PAN3: variants seen among roughly 807,000 people sequenced by gnomAD.
PAN3 encodes the protein PAN2-PAN3 deadenylation complex subunit PAN3.
Under a neutral mutation model 96.2 loss-of-function variants are expected in PAN3, and 19 were observed. The ratio of observed to expected loss-of-function variants is 0.20; its 90% CI spans 0.14 to 0.29. PAN3 has a LOEUF of 0.29. Ranked by LOEUF, PAN3 falls within the 10% of genes least tolerant of loss-of-function variation. PAN3 has a pLI of 1.00. For synonymous variants in PAN3, 433 were observed against 406.6 expected (o/e 1.06, Z -0.78); for missense variants, 882 against 1,108.1 (o/e 0.80, Z 2.90).
chr13:28,214,977 A>G (rs1165515435), intron 5 of PAN3: 9 of 1,369,040 alleles, frequency 6.6e-6, no homozygotes, highest in Non-Finnish European at 9.2e-6. Context: ...TGTTAACAAA[A>G]TGGATTCCAC....
chr13:28,195,167 T>C (rs891694669), intron 4 of PAN3, among the ~76,000 whole-genome samples: 7 of 152,124 alleles, frequency 4.6e-5, no homozygotes, highest in Non-Finnish European at 1.0e-4. Context: ...CCCAGCACTT[T>C]GGGAGGTGGT....
At chr13:28,224,086 TG>T (rs1266278238) in intron 6 of PAN3, among the ~76,000 whole-genome samples, 1 of 151,728 alleles carries the variant, frequency 6.6e-6, no homozygotes, top group Non-Finnish European at 1.5e-5. Flanking sequence ...TTAGCCAGGA[TG>T]GTCTCGATCT....
chr13:28,236,386 C>CT (rs2138471547), intron 6 of PAN3, among the ~76,000 whole-genome samples: 1 of 152,230 alleles, frequency 6.6e-6, no homozygotes, highest in Non-Finnish European at 1.5e-5. Flanking sequence ...GAGCATCAGC[C>CT]TTTATCTATA....
At chr13:28,213,768 A>G (rs1880362057) in intron 5 of PAN3, among the ~76,000 whole-genome samples, 1 of 152,102 alleles carries the variant, frequency 6.6e-6, no homozygotes, top group Non-Finnish European at 1.5e-5. Context: ...CAACTTCGTA[A>G]TAGAAAATTT....
intron 6 of PAN3, among the ~76,000 whole-genome samples, chr13:28,226,535 C>T (rs1187693476): frequency 1.3e-5 from 2 of 152,054 alleles, no homozygotes; most frequent in East Asian, 3.9e-4. Flanking sequence ...TCATCTAGTA[C>T]AAATTTAGGT....
intron 4 of PAN3, among the ~76,000 whole-genome samples, chr13:28,193,629 G>A (rs1877566409): frequency 6.6e-6 from 1 of 151,090 alleles, no homozygotes; most frequent in Admixed American, 6.6e-5. Flanking sequence ...TGTAGTCCCA[G>A]CTCCTACGGA....
intron 6 of PAN3, among the ~76,000 whole-genome samples, chr13:28,223,129 ATTTGT>A (rs1467207696): frequency 3.3e-5 from 5 of 152,216 alleles, no homozygotes; most frequent in Non-Finnish European, 7.4e-5. Context: ...CTTTTTAAAA[ATTTGT>A]TTTGATCACT....
chr13:28,266,614 G>T, intron 9 of PAN3, 101 bp from the exon 10 acceptor site: 1 of 885,640 alleles, frequency 1.1e-6, no homozygotes, highest in South Asian at 2.9e-5. Flanking sequence ...AGCACATTGT[G>T]ATACACAAGG....
At chr13:28,279,290 G>A (rs1887279620) in intron 15 of PAN3, among the ~76,000 whole-genome samples, 1 of 152,116 alleles carries the variant, frequency 6.6e-6, no homozygotes, top group Admixed American at 6.6e-5. Context: ...AATATGTCAT[G>A]ATACCTTGTA....
rs770944541 is a variant in PAN3 at position 28,176,540 on chromosome 13, C to T, written c.600C>T (p.Ala200=). The part of the protein sequence containing the change: ...SSSPSLLNDS[A]KPYSAHDPLT... The stretch of plus-strand genomic sequence containing the variant: ...CCCCAAGCCTTCTAAATGACAGTGC[C>T]AAGCCATATTCAGCCCATGGTAAGA... The change falls in exon 3 of 19, where the codon GCC becomes GCT. Residue 200 remains alanine (A), a synonymous_variant. Transcript: ENST00000380958. 5 of 1,613,560 alleles carry T rather than the reference C, an allele frequency of 3.1e-6. No individual in the cohort carries two copies. Among genetic ancestry groups the T allele is most frequent in the Admixed American group, 1.7e-5 (1 of 59,986 alleles).
chr13:28,199,171 G>GA (rs1007018572), intron 5 of PAN3, among the ~76,000 whole-genome samples: 2 of 151,952 alleles, frequency 1.3e-5, no homozygotes, highest in Admixed American at 1.3e-4. Flanking sequence ...AAGGTCTGAA[G>GA]AAAAAAATTG....
intron 9 of PAN3, among the ~76,000 whole-genome samples, chr13:28,266,192 T>C (rs1886157753): frequency 2.0e-5 from 3 of 152,202 alleles, no homozygotes; most frequent in African/African-American, 7.2e-5. Context: ...TGCTATATTT[T>C]CTTCTAGTTG....
intron 4 of PAN3, among the ~76,000 whole-genome samples, chr13:28,194,466 A>ATATATATTTTTTTTT (rs1429166016): frequency 3.3e-5 from 4 of 122,118 alleles, no homozygotes; most frequent in African/African-American, 1.1e-4. Context: ...ATATATATAT[A>ATATATATTTTTTTTT]TTTTTTTTTT....
intron 5 of PAN3, among the ~76,000 whole-genome samples, chr13:28,200,247 C>T (rs1878539798): frequency 6.6e-6 from 1 of 152,070 alleles, no homozygotes; most frequent in South Asian, 2.1e-4. Context: ...TAGACACGGG[C>T]TGTAACTTAC....
intron 4 of PAN3, among the ~76,000 whole-genome samples, chr13:28,185,733 T>G (rs1020729609): frequency 6.6e-6 from 1 of 152,190 alleles, no homozygotes; most frequent in African/African-American, 2.4e-5. Context: ...CATCATCTAA[T>G]TTTATAGCTT....
At chr13:28,169,222 CTTTTTTTTTTTTTT>C (rs202200725) in intron 1 of PAN3, among the ~76,000 whole-genome samples, 8 of 74,992 alleles carry the variant, frequency 1.1e-4, no homozygotes, top group Non-Finnish European at 1.7e-4. Context: ...TTTTTGTTTG[CTTTTTTTTTTTTTT>C]TTTTTTTTTT....
At chr13:28,259,424 A>G (rs1593583435) in intron 7 of PAN3, among the ~76,000 whole-genome samples, 1 of 149,686 alleles carries the variant, frequency 6.7e-6, no homozygotes, top group Non-Finnish European at 1.5e-5. Flanking sequence ...TCCTGCCTCA[A>G]CCTCCCGAGT....
chr13:28,218,493 A>G (rs1448861077), intron 5 of PAN3, among the ~76,000 whole-genome samples: 1 of 152,162 alleles, frequency 6.6e-6, no homozygotes, highest in East Asian at 1.9e-4. Flanking sequence ...ATTGTTGAGT[A>G]GGTTTTGGCA....
chr13:28,237,587 C>T (rs1270107470), intron 6 of PAN3, among the ~76,000 whole-genome samples: 3 of 152,132 alleles, frequency 2.0e-5, no homozygotes, highest in East Asian at 3.8e-4. Flanking sequence ...TGGAATTTAC[C>T]GGTTCGGGTT....
Sources: gnomAD v4.1 joint callset for allele counts (sites outside exome capture counted in the v4.1 genomes callset) on GRCh38, gnomAD v4.1.1 for gene constraint, MANE v1.5 for transcripts, NCBI Gene and HGNC (gene_info 2026-07-23, HGNC 2026-07-21) for gene names.